Variants in WDR5 observed in about 807,000 individuals in gnomAD.
The protein encoded by WDR5 is WD repeat domain 5, also known as WD repeat-containing protein 5.
For synonymous variants in WDR5, 144 were observed against 161.6 expected (o/e 0.89, Z 0.83); for missense variants, 187 against 416.9 (o/e 0.45, Z 4.80).
intron 7 of WDR5, among the ~76,000 whole-genome samples, chr9:134,143,888 C>T (rs527710768): frequency 6.6e-6 from 1 of 151,838 alleles, no homozygotes; most frequent in African/African-American, 2.4e-5. Context: ...GTATCATAAA[C>T]CGCTCCATTT....
chr9:134,136,711 G>A (rs1831580030), intron 1 of WDR5, among the ~76,000 whole-genome samples: 1 of 152,170 alleles, frequency 6.6e-6, no homozygotes. Flanking sequence ...GGTCCTGAAC[G>A]GTAGGCCCAC....
At position 134,140,684 on chromosome 9, in the gene WDR5, T is replaced by C. The variant is rs778533445; in HGVS notation, c.82-19T>C. On this transcript the variant is annotated intron_variant, in intron 2 of 13. Transcript: ENST00000358625. ...ACGTACAGTGGTGGTGACTTTTTGC[T>C]AACTGGTCTTTCCTGCAGCCTACAC... 1.7e-5 allele frequency: 28 copies of C among 1,610,702 alleles called. 3 individuals carry two copies. In the South Asian group the frequency reaches 2.7e-4, roughly 16 times the overall value.
At chr9:134,139,577 G>A (rs1355829656) in intron 1 of WDR5, among the ~76,000 whole-genome samples, 1 of 152,118 alleles carries the variant, frequency 6.6e-6, no homozygotes, top group Non-Finnish European at 1.5e-5. Context: ...TAAGAAGCAC[G>A]CTTGAGGGTG....
chr9:134,157,395 T>A lies in WDR5; in HGVS notation c.905-498T>A, dbSNP rs1248135693. 1.3e-5 allele frequency among the ~76,000 whole-genome samples: 2 copies of A among 152,152 alleles called. No individual in the cohort carries two copies. The highest frequency in any genetic ancestry group is 2.9e-5 in the Non-Finnish European group (2 of 68,036). ...CCTGCTTGGGTGGTGGACTTGTCCTTGCTGTGACAGAGCCAGCCCTGTGGG... is the reference window on the plus strand; with the variant it reads ...CCTGCTTGGGTGGTGGACTTGTCCTAGCTGTGACAGAGCCAGCCCTGTGGG... On this transcript the variant is annotated intron_variant, in intron 13 of 13. Coordinates refer to ENST00000358625, the MANE Select transcript of WDR5 (RefSeq NM_017588.3). The surrounding 1 kb of genome is among the most constrained non-coding windows in gnomAD (Gnocchi z 5.0).
At chr9:134,153,815 C>T (rs1187117069) in intron 9 of WDR5, among the ~76,000 whole-genome samples, 1 of 152,186 alleles carries the variant, frequency 6.6e-6, no homozygotes, top group Non-Finnish European at 1.5e-5. Context: ...GAGATTCCCT[C>T]CTCCTCACTC....
At chr9:134,142,768 T>G in intron 7 of WDR5, 49 bp downstream of exon 7, 1 of 1,582,646 alleles carries the variant, frequency 6.3e-7, no homozygotes, top group Non-Finnish European at 8.7e-7. Flanking sequence ...TACGTTTCTC[T>G]GACATCGGAT....
In WDR5 at chr9:134,157,131, A is replaced by G. The variant is rs939457800; in HGVS notation, c.904+538A>G. Among the ~76,000 whole-genome samples the G allele has an allele frequency of 2.0e-5, 3 of 151,632 alleles. No individual in the cohort carries two copies. The highest frequency in any genetic ancestry group is 7.3e-5 in the African/African-American group (3 of 41,188). On this transcript the variant is annotated intron_variant, in intron 13 of 13. Coordinates refer to ENST00000358625, the MANE Select transcript of WDR5 (RefSeq NM_017588.3). This position sits in a 1 kb window ranked among gnomAD's most constrained non-coding sequence, Gnocchi z 5.0. ...CCTCACCCTCTGGCCCTGCATTTCC[A>G]CGTCTCATGGAGCCAACGAGAGCAG...
intron 1 of WDR5, among the ~76,000 whole-genome samples, chr9:134,139,501 CTT>C (rs1352213379): frequency 2.0e-5 from 3 of 152,162 alleles, no homozygotes; most frequent in Non-Finnish European, 4.4e-5. Context: ...GTCCAGGGCT[CTT>C]TGAAGAAAAC....
Position 134,159,953 on chromosome 9 carries a change from T to A in WDR5, c.*1960T>A, listed in dbSNP as rs1224548829. 6.6e-6 allele frequency: 1 copy of A among 152,210 alleles called. No individual in the cohort carries two copies. The highest frequency in any genetic ancestry group is 1.5e-5 in the Non-Finnish European group (1 of 68,026). The allele number at this position is 152,210 out of a possible 1,614,324, so 9.4% of individuals were successfully genotyped here. On this transcript the variant is annotated 3_prime_UTR_variant, in exon 14 of 14. Coordinates refer to ENST00000358625, the MANE Select transcript of WDR5 (RefSeq NM_017588.3). This position sits in a 1 kb window ranked among gnomAD's most constrained non-coding sequence, Gnocchi z 4.3. ...AATACATTCTTTTTGAAAATAAAAA[T>A]TTTCATGTCTTCTAATTTAGTCTGG...
chr9:134,152,559 G>T (rs1174871212), intron 9 of WDR5, among the ~76,000 whole-genome samples: 1 of 152,220 alleles, frequency 6.6e-6, no homozygotes, highest in Non-Finnish European at 1.5e-5. Flanking sequence ...GGGGTTCCCA[G>T]CTGCCCCTTG....
intron 9 of WDR5, among the ~76,000 whole-genome samples, chr9:134,153,878 C>T (rs888180052): frequency 6.6e-6 from 1 of 152,154 alleles, no homozygotes; most frequent in African/African-American, 2.4e-5. Flanking sequence ...GTTGCCATGT[C>T]CTGAAAACTC....
chr9:134,149,202 G>A (rs905592585), intron 8 of WDR5, among the ~76,000 whole-genome samples: 2 of 152,200 alleles, frequency 1.3e-5, no homozygotes, highest in Admixed American at 6.5e-5. Flanking sequence ...ACCCCCCATC[G>A]GTCTTGAGAA....
intron 2 of WDR5, 134 bp from the exon 3 acceptor site, chr9:134,140,569 G>A (rs1831833368): frequency 3.9e-6 from 3 of 760,792 alleles, no homozygotes; most frequent in Admixed American, 1.8e-5. Flanking sequence ...AGAGATTGGT[G>A]GAAGGCACTG....
chr9:134,152,075 C>G (rs1190723144), intron 9 of WDR5, 46 bp downstream of exon 9: 3 of 1,603,114 alleles, frequency 1.9e-6, no homozygotes, highest in Non-Finnish European at 2.6e-6. Flanking sequence ...GGAGGGCCTC[C>G]CCTGCTGGGT....
At chr9:134,142,539 GT>G (rs1332260789) in intron 6 of WDR5, 96 bp from the exon 7 acceptor site, 17 of 1,557,570 alleles carry the variant, frequency 1.1e-5, no homozygotes, top group Non-Finnish European at 1.5e-5. Context: ...TTTCTGTGCT[GT>G]TTGTGGGGAG....
intron 8 of WDR5, among the ~76,000 whole-genome samples, chr9:134,150,241 C>G (rs1043498733): frequency 2.6e-5 from 4 of 152,092 alleles, no homozygotes; most frequent in African/African-American, 9.7e-5. Context: ...ATTCCCATAG[C>G]CAAGGAATTC....
intron 7 of WDR5, among the ~76,000 whole-genome samples, chr9:134,145,096 GTT>G (rs56864188): frequency 0.019 from 2,038 of 104,630 alleles, 61 homozygotes; most frequent in African/African-American, 0.067. Context: ...GTGGGGCTTT[GTT>G]TTTTTTTTTT....
chr9:134,151,844 C>A (rs1832503820), intron 8 of WDR5, 139 bp from the exon 9 acceptor site: 1 of 815,962 alleles, frequency 1.2e-6, no homozygotes, highest in Admixed American at 2.4e-5. Context: ...AAGAGAATGA[C>A]TGTTAAACAG....
At chr9:134,140,226 T>C (rs1831808609) in intron 2 of WDR5, among the ~76,000 whole-genome samples, 2 of 152,168 alleles carry the variant, frequency 1.3e-5, no homozygotes, top group Admixed American at 1.3e-4. Flanking sequence ...AAAACATCTC[T>C]TTATAGTTGC....
Sources: gnomAD v4.1 joint callset for allele counts (sites outside exome capture counted in the v4.1 genomes callset) on GRCh38, gnomAD v4.1.1 for gene constraint, Gnocchi (gnomAD v3.1) non-coding constraint, MANE v1.5 for transcripts, NCBI Gene and HGNC (gene_info 2026-07-23, HGNC 2026-07-21) for gene names.